Variants in THBS2 observed in about 807,000 individuals in gnomAD.
THBS2 encodes the protein thrombospondin 2.
A neutral mutation model predicts 135.2 loss-of-function variants in THBS2; 47 were observed. The observed-to-expected ratio is 0.35, with a 90% CI of 0.28 to 0.44. The LOEUF (loss-of-function observed/expected upper bound fraction) is 0.44, where lower values mean the gene tolerates loss of function less well. Ranked by LOEUF, THBS2 falls within the 20% of genes least tolerant of loss-of-function variation. The probability of loss-of-function intolerance (pLI) is 1.00; values close to 1 mark genes in which losing one functional copy is unlikely to be tolerated. For synonymous variants in THBS2, 639 were observed against 633.8 expected, an observed-to-expected ratio of 1.01 and a Z score of -0.12; for missense variants, 1,288 against 1,603.1, an observed-to-expected ratio of 0.80 and a Z score of 3.36.
chr6:169,229,164 T>G (rs1779746290), intron 14 of THBS2, among the ~76,000 whole-genome samples: 1 of 152,226 alleles, frequency 6.6e-6, no homozygotes, highest in Non-Finnish European at 1.5e-5. Context: ...AGAGCTGTTT[T>G]GTGTACAAAT....
chr6:169,225,908 C>T (rs1434382568), intron 16 of THBS2, among the ~76,000 whole-genome samples: 1 of 152,238 alleles, frequency 6.6e-6, no homozygotes, highest in Non-Finnish European at 1.5e-5. Flanking sequence ...CACTGAGATA[C>T]AAGAATAGTG....
intron 21 of THBS2, among the ~76,000 whole-genome samples, chr6:169,218,954 G>A (rs888456278): frequency 1.3e-5 from 2 of 149,020 alleles, no homozygotes; most frequent in Non-Finnish European, 3.0e-5. Context: ...TGAGATGAGT[G>A]GATGGATGGA....
chr6:169,220,421 T>G, intron 20 of THBS2, 84 bp from the exon 21 acceptor site: 1 of 1,515,568 alleles, frequency 6.6e-7, no homozygotes, highest in Non-Finnish European at 8.9e-7. Flanking sequence ...GAAGGTTGGC[T>G]CCGGACACAA....
intron 13 of THBS2, among the ~76,000 whole-genome samples, 155 bp downstream of exon 13, chr6:169,231,825 G>C (rs970220285): frequency 2.0e-5 from 3 of 152,220 alleles, no homozygotes; most frequent in Admixed American, 6.5e-5. Flanking sequence ...GGGACCAGGG[G>C]GATGCATTCA....
chr6:169,242,731 A>C (rs1583418572), intron 4 of THBS2, among the ~76,000 whole-genome samples: 1 of 108,040 alleles, frequency 9.3e-6, no homozygotes, highest in Non-Finnish European at 2.0e-5. Context: ...CCACCTTCCC[A>C]CCTTCCCACC....
At chr6:169,246,382 G>C in intron 3 of THBS2, 101 bp from the exon 4 acceptor site, 5 of 943,372 alleles carry the variant, frequency 5.3e-6, no homozygotes, top group Middle Eastern at 2.1e-4. Context: ...GAATCTTCAA[G>C]TAGTGAGAGT....
chr6:169,242,586 TCCCACC>T (rs1780352044), intron 4 of THBS2, among the ~76,000 whole-genome samples: 1 of 71,370 alleles, frequency 1.4e-5, no homozygotes, highest in Non-Finnish European at 2.9e-5. Context: ...TCCCCCAAAT[TCCCACC>T]TTCCCACATT....
chr6:169,218,188 TTGG>T (rs1194466291), intron 21 of THBS2, among the ~76,000 whole-genome samples: 1 of 136,006 alleles, frequency 7.4e-6, no homozygotes, highest in African/African-American at 2.8e-5. Context: ...GATGAGTGGG[TTGG>T]TGGATGAGAT....
At position 169,232,290 on chromosome 6, in the gene THBS2, G is replaced by A. The variant is rs1036918279; in HGVS notation, c.1933-92C>T. 10 of 1,419,196 alleles carry A rather than the reference G, an allele frequency of 7.0e-6. No individual in the cohort carries two copies. The South Asian group carries it at 8.4e-5, about 12-fold the overall frequency. 87.9% of individuals were successfully genotyped at this position (1,419,196 alleles called of 1,614,324 possible). On this transcript the variant is annotated intron_variant, in intron 12 of 21. Transcript: ENST00000617924. ...GCGTCGGGCACCGCAGGCCCCAGCAGGTCCGGTCCCAAGCGGACCCAAGTC... is the reference window on the plus strand; with the variant it reads ...GCGTCGGGCACCGCAGGCCCCAGCAAGTCCGGTCCCAAGCGGACCCAAGTC...
chr6:169,237,957 C>T (rs866631857), intron 7 of THBS2, among the ~76,000 whole-genome samples, 162 bp from the exon 8 acceptor site: 3 of 152,190 alleles, frequency 2.0e-5, no homozygotes, highest in Non-Finnish European at 2.9e-5. Flanking sequence ...GTGGCTGGGC[C>T]GTGGCTCCGT....
chr6:169,220,665 CG>C (rs1389492930), intron 20 of THBS2, among the ~76,000 whole-genome samples: 1 of 152,028 alleles, frequency 6.6e-6, no homozygotes, highest in East Asian at 1.9e-4. Context: ...GAAGATGCAC[CG>C]GACTCTCCCT....
rs1034217316 is a variant in THBS2, at chr6:169,216,187, CA to C, written c.*1634del. 2 of 152,078 alleles carry C rather than the reference CA, an allele frequency of 1.3e-5. No individual in the cohort carries two copies. The highest frequency in any genetic ancestry group is 1.3e-4 in the Admixed American group (2 of 15,272). The allele number at this position is 152,078 out of a possible 1,614,324, so 9.4% of individuals were successfully genotyped here. ...AAAACAACAACACAACGATCAACCT[CA>C]AAGGAAACAACAAAATTAATTTTAT... On this transcript the variant is annotated 3_prime_UTR_variant, in exon 22 of 22. Coordinates refer to ENST00000617924, the MANE Select transcript of THBS2 (RefSeq NM_003247.5).
Position 169,229,607 on chromosome 6 carries a change from C to T in THBS2, c.2224G>A (p.Asp742Asn), listed in dbSNP as rs1779760058. 4 of 1,614,028 alleles carry T rather than the reference C, an allele frequency of 2.5e-6. No homozygotes were observed. The Admixed American group carries it at 5.0e-5, about 20-fold the overall frequency. The change falls in exon 14 of 22, where the codon GAT (aspartate) becomes AAT (asparagine). Residue 742 changes from aspartate to asparagine, a missense_variant. Asp to Asn is a conservative substitution (Grantham distance 23, BLOSUM62 1). This residue lies in a region of THBS2 where 874 missense variants were observed against 1,156.1 expected (regional missense o/e 0.76). Transcript: ENST00000617924. ...GTCACACCGTCATTGTCATCGTCAT[C>T]ATCACAGGCATCGCCAATCCCGTCC... ...DKDGIGDACDDDDDNDGVTDE... is the reference protein window; with the variant it reads ...DKDGIGDACDNDDDNDGVTDE...
chr6:169,237,473 T>C (rs1230604212), intron 8 of THBS2, 127 bp from the exon 9 acceptor site: 8 of 1,470,186 alleles, frequency 5.4e-6, no homozygotes, highest in Non-Finnish European at 6.5e-6. Context: ...ACCCCTCCCA[T>C]CAGCTGGGAG....
intron 12 of THBS2, among the ~76,000 whole-genome samples, chr6:169,232,437 C>T (rs1352880319): frequency 1.3e-5 from 2 of 151,982 alleles, no homozygotes; most frequent in Non-Finnish European, 2.9e-5. Flanking sequence ...GCGCTAACAG[C>T]GGAGAGGTGG....
In THBS2 at chr6:169,226,316, G is replaced by T; in HGVS notation, c.2420-18C>A. The stretch of plus-strand genomic sequence containing the variant: ...GAAGACATCTGTAAGTGTTTAAAGG[G>T]GGAAGAAAACAAAAACAAACCAGAA... On this transcript the variant is annotated intron_variant, in intron 15 of 21. Coordinates refer to ENST00000617924, the MANE Select transcript of THBS2 (RefSeq NM_003247.5). The T allele has an allele frequency of 6.3e-7, 1 of 1,594,872 alleles. No individual in the cohort carries two copies. Among genetic ancestry groups the T allele is most frequent in the Admixed American group, 1.7e-5 (1 of 59,686 alleles).
At chr6:169,226,113 C>A in intron 16 of THBS2, 67 bp downstream of exon 16, 1 of 1,481,906 alleles carries the variant, frequency 6.7e-7, no homozygotes, top group Admixed American at 1.7e-5. Flanking sequence ...TGATCCCCCA[C>A]ACCGCCACCG....
At chr6:169,250,150 G>A (rs954376480) in intron 2 of THBS2, among the ~76,000 whole-genome samples, 9 of 152,196 alleles carry the variant, frequency 5.9e-5, no homozygotes, top group African/African-American at 2.2e-4. Context: ...GTGGGCAATG[G>A]ACCACTTTCC....
At chr6:169,234,387 AAC>A in intron 10 of THBS2, 1 of 237,782 alleles carries the variant, frequency 4.2e-6, no homozygotes, top group Non-Finnish European at 8.1e-6. Context: ...CATGCCACAC[AAC>A]TACCCACACA....
Sources: allele counts gnomAD v4.1 joint callset (sites outside exome capture counted in the v4.1 genomes callset), GRCh38; gene constraint gnomAD v4.1.1; regional missense constraint gnomAD v4.1.1; transcripts MANE v1.5; gene names NCBI Gene and HGNC (gene_info 2026-07-23, HGNC 2026-07-21).